KCNAB1: variants seen among roughly 807,000 people sequenced by gnomAD.
The protein encoded by KCNAB1 is potassium voltage-gated channel subfamily A regulatory beta subunit 1, also known as voltage-gated potassium channel subunit beta-1.
Under a neutral mutation model 64.6 loss-of-function variants are expected in KCNAB1, and 35 were observed. The observed-to-expected ratio is 0.54, with a 90% CI of 0.41 to 0.72. The LOEUF is 0.72. Ranked by LOEUF, KCNAB1 falls within the 30% of genes least tolerant of loss-of-function variation. The pLI, the probability that KCNAB1 is intolerant of heterozygous loss-of-function variation, is 0.00. For synonymous variants in KCNAB1, 177 were observed against 183.8 expected, an observed-to-expected ratio of 0.96 and a Z score of 0.30; for missense variants, 401 against 512.9, an observed-to-expected ratio of 0.78 and a Z score of 2.11.
chr3:156,141,121 G>A (rs1236366422), intron 1 of KCNAB1, among the ~76,000 whole-genome samples: 5 of 151,866 alleles, frequency 3.3e-5, no homozygotes. Flanking sequence ...GGTATAAGCA[G>A]CAATAGAGAG....
intron 2 of KCNAB1, among the ~76,000 whole-genome samples, chr3:156,433,615 A>G (rs1169710217): frequency 6.6e-6 from 1 of 152,194 alleles, no homozygotes; most frequent in African/African-American, 2.4e-5. Context: ...AGACATAGAA[A>G]TGGCCCAGGG....
At chr3:156,401,491 T>C (rs1302176349) in intron 1 of KCNAB1, among the ~76,000 whole-genome samples, 3 of 152,238 alleles carry the variant, frequency 2.0e-5, no homozygotes, top group African/African-American at 7.2e-5. Context: ...TCTCAGCTAA[T>C]AGATGCTTCT....
At chr3:156,174,206 CCTT>C (rs1379985194) in intron 1 of KCNAB1, among the ~76,000 whole-genome samples, 1 of 152,166 alleles carries the variant, frequency 6.6e-6, no homozygotes, top group Non-Finnish European at 1.5e-5. Context: ...TCAAGGCTAG[CCTT>C]CTTATCTCCA....
intron 1 of KCNAB1, chr3:156,291,668 T>A (rs1720432896): frequency 7.2e-7 from 1 of 1,393,072 alleles, no homozygotes; most frequent in Non-Finnish European, 9.3e-7. Flanking sequence ...CTGTGACAAC[T>A]TCGGGGCCGT....
chr3:156,409,190 T>A (rs1714466550), intron 1 of KCNAB1, among the ~76,000 whole-genome samples: 3 of 152,224 alleles, frequency 2.0e-5, no homozygotes, highest in Admixed American at 1.3e-4. Context: ...GCCATCAATA[T>A]TGGGCTCTAG....
intron 1 of KCNAB1, among the ~76,000 whole-genome samples, chr3:156,153,456 T>C (rs1032502502): frequency 6.6e-6 from 1 of 152,214 alleles, no homozygotes; most frequent in Non-Finnish European, 1.5e-5. Flanking sequence ...AAGTTTGTGA[T>C]GATTAATTTT....
At position 156,301,606 on chromosome 3, in the gene KCNAB1, C is replaced by T. The variant is rs527431987; in HGVS notation, c.276-120010C>T. On this transcript the variant is annotated intron_variant, in intron 1 of 13. Transcript: ENST00000490337. ...GGGAAATCCATGGTCTAACATACAA[C>T]GTCTCACTCAATAATGGCTTATATT... Among the ~76,000 whole-genome samples, 9 of 152,316 alleles carry T rather than the reference C, an allele frequency of 5.9e-5. No individual in the cohort carries two copies. In the East Asian group the frequency reaches 9.6e-4, roughly 16 times the overall value.
At chr3:156,133,810 G>T (rs1192810089) in intron 1 of KCNAB1, among the ~76,000 whole-genome samples, 1 of 152,186 alleles carries the variant, frequency 6.6e-6, no homozygotes, top group Non-Finnish European at 1.5e-5. Context: ...AAGAATGCAT[G>T]GGGGTTTGTG....
chr3:156,300,951 A>G (rs929127401), intron 1 of KCNAB1, among the ~76,000 whole-genome samples: 1 of 152,204 alleles, frequency 6.6e-6, no homozygotes, highest in Non-Finnish European at 1.5e-5. Context: ...ATATAAATGC[A>G]ACTGTATATG....
intron 5 of KCNAB1, among the ~76,000 whole-genome samples, chr3:156,462,193 C>A (rs1559896472): frequency 6.6e-6 from 1 of 152,214 alleles, no homozygotes; most frequent in Non-Finnish European, 1.5e-5. Context: ...GAGTCAGTGA[C>A]AATTTGCCAG....
intron 1 of KCNAB1, among the ~76,000 whole-genome samples, chr3:156,188,208 TG>T (rs1418979191): frequency 6.6e-6 from 1 of 151,394 alleles, no homozygotes. Context: ...TATCTCCCTG[TG>T]GGGTTTTTTT....
intron 2 of KCNAB1, among the ~76,000 whole-genome samples, chr3:156,431,567 G>C (rs1716213077): frequency 6.6e-6 from 1 of 152,222 alleles, no homozygotes; most frequent in South Asian, 2.1e-4. Context: ...GAGGATGACT[G>C]TGCAGACATT....
intron 1 of KCNAB1, among the ~76,000 whole-genome samples, chr3:156,189,851 G>A (rs1251768838): frequency 6.6e-6 from 1 of 152,144 alleles, no homozygotes; most frequent in Non-Finnish European, 1.5e-5. Context: ...TGGGTCAGGG[G>A]TTGAGGGGGG....
At chr3:156,381,131 A>C (rs9850840) in intron 1 of KCNAB1, among the ~76,000 whole-genome samples, 40,093 of 151,984 alleles carry the variant, frequency 0.26, 6,632 homozygotes, top group African/African-American at 0.48. Flanking sequence ...AAATAACACT[A>C]AAAAACAAAC....
chr3:156,245,972 G>T (rs559397497), intron 1 of KCNAB1, among the ~76,000 whole-genome samples: 896 of 51,882 alleles, frequency 0.017, 4 homozygotes, highest in Middle Eastern at 0.059. Flanking sequence ...AATCAATATT[G>T]GTAAAAAAAA....
At chr3:156,235,680 A>G (rs1344702776) in intron 1 of KCNAB1, among the ~76,000 whole-genome samples, 1 of 152,186 alleles carries the variant, frequency 6.6e-6, no homozygotes, top group African/African-American at 2.4e-5. Context: ...CTTACTTTTG[A>G]AAGAAAGGTT....
At chr3:156,519,343 T>C (rs1231461025) in intron 11 of KCNAB1, among the ~76,000 whole-genome samples, 2 of 152,210 alleles carry the variant, frequency 1.3e-5, no homozygotes, top group Non-Finnish European at 2.9e-5. Context: ...GCCTATTTTT[T>C]TTCATTTGTG....
chr3:156,303,530 C>G (rs935394149), intron 1 of KCNAB1, among the ~76,000 whole-genome samples: 8 of 152,152 alleles, frequency 5.3e-5, no homozygotes, highest in Non-Finnish European at 1.2e-4. Context: ...ATTGTGAACT[C>G]TGCTACCACC....
chr3:156,341,056 A>G (rs976025762), intron 1 of KCNAB1, among the ~76,000 whole-genome samples: 1 of 152,206 alleles, frequency 6.6e-6, no homozygotes, highest in Non-Finnish European at 1.5e-5. Flanking sequence ...AATGGAGCAT[A>G]TTTTTACATT....
Sources: gnomAD v4.1 joint callset for allele counts (sites outside exome capture counted in the v4.1 genomes callset) on GRCh38, gnomAD v4.1.1 for gene constraint, MANE v1.5 for transcripts, NCBI Gene and HGNC (gene_info 2026-07-23, HGNC 2026-07-21) for gene names.